Variants in FBLN7 observed in about 807,000 individuals in gnomAD.
FBLN7 encodes the protein fibulin-7.
A neutral mutation model predicts 44.0 loss-of-function variants in FBLN7; 31 were observed. The observed-to-expected ratio is 0.70, with a 90% CI of 0.53 to 0.95. FBLN7 has a LOEUF of 0.95. Among genes scored for constraint, FBLN7 ranks in the 40% least tolerant of loss-of-function variants. The probability of loss-of-function intolerance (pLI) is 0.00; values close to 1 mark genes in which losing one functional copy is unlikely to be tolerated. For synonymous variants in FBLN7, 262 were observed against 253.4 expected (o/e 1.03, Z -0.32); for missense variants, 573 against 618.5 (o/e 0.93, Z 0.78).
intron 1 of FBLN7, among the ~76,000 whole-genome samples, chr2:112,150,456 G>A (rs1415601864): frequency 2.6e-5 from 4 of 152,238 alleles, no homozygotes; most frequent in South Asian, 4.1e-4. Context: ...TCTCCTGAAC[G>A]GGTCAGTATC....
At chr2:112,159,191 G>GT (rs5833433) in intron 1 of FBLN7, among the ~76,000 whole-genome samples, 67,248 of 147,312 alleles carry the variant, frequency 0.46, 15,426 homozygotes, top group Middle Eastern at 0.63. Flanking sequence ...ACTCTAGTGA[G>GT]TTTTTTTTTT....
rs1553479349 is a variant in FBLN7, at chr2:112,184,685, G to GTATATATGGTATATATATGAATATGGTA, written c.809-512_809-485dup. ...ATGGTATATATATGCTGTATATGGT[G>GTATATATGGTATATATATGAATATGGTA]TATATATGGTATATATATGAATATG... On this transcript the variant is annotated intron_variant, in intron 6 of 7. Transcript: ENST00000331203. 6.9e-5 allele frequency among the ~76,000 whole-genome samples: 10 copies of GTATATATGGTATATATATGAATATGGTA among 144,870 alleles called. No homozygotes were observed. In the East Asian group the frequency reaches 1.0e-3, roughly 14 times the overall value.
intron 1 of FBLN7, chr2:112,152,686 G>C (rs1241716323): frequency 1.3e-5 from 2 of 152,180 alleles, no homozygotes; most frequent in Non-Finnish European, 2.9e-5. Flanking sequence ...CCCCTGAGGA[G>C]GGAGTTGGGC....
chr2:112,166,690 A>T (rs769072515), intron 3 of FBLN7, among the ~76,000 whole-genome samples: 1 of 152,158 alleles, frequency 6.6e-6, no homozygotes, highest in Non-Finnish European at 1.5e-5. Flanking sequence ...GGCGGGGGAG[A>T]TGGGTACACA....
At chr2:112,191,244 T>C (rs1055724420), downstream of FBLN7, among the ~76,000 whole-genome samples, 1 of 152,130 alleles carries the variant, frequency 6.6e-6, no homozygotes, top group African/African-American at 2.4e-5. Flanking sequence ...GGTGCAATCT[T>C]GGCTCACTGC....
the FBLN7 span, among the ~76,000 whole-genome samples, chr2:112,242,761 T>C: frequency 6.6e-6 from 1 of 152,198 alleles, no homozygotes; most frequent in African/African-American, 2.4e-5. Flanking sequence ...ACAGAAAAAT[T>C]AGAAAATTTT....
chr2:112,159,235 A>T (rs951380789), intron 1 of FBLN7, among the ~76,000 whole-genome samples: 13 of 151,006 alleles, frequency 8.6e-5, no homozygotes, highest in Admixed American at 6.6e-4. Context: ...TTTAAAGAAT[A>T]GGAACCATTG....
the FBLN7 span, among the ~76,000 whole-genome samples, chr2:112,195,889 T>A: frequency 6.6e-6 from 1 of 152,218 alleles, no homozygotes; most frequent in Admixed American, 6.5e-5. Flanking sequence ...AAATTTGGCC[T>A]AATACTTCCT....
rs1410121267 is a variant in FBLN7, at chr2:112,150,292, G to T, written c.76-9384G>T. Among the ~76,000 whole-genome samples the T allele has an allele frequency of 5.9e-5, 9 of 152,156 alleles. No homozygotes were observed. In the East Asian group the frequency reaches 1.2e-3, roughly 20 times the overall value. The stretch of plus-strand genomic sequence containing the variant: ...CCAGAAAGCCTCAACTGCCCCTGGG[G>T]AGCTGAGAGCATCAGATGACTCCCG... On this transcript the variant is annotated intron_variant, in intron 1 of 7. Coordinates refer to ENST00000331203, the MANE Select transcript of FBLN7 (RefSeq NM_153214.3).
chr2:112,240,969 GTGTGTGTGTGTGTGTGCGCGTGTGTA>G, the FBLN7 span, among the ~76,000 whole-genome samples: 1 of 144,786 alleles, frequency 6.9e-6, no homozygotes, highest in Admixed American at 6.9e-5. Flanking sequence ...GTGTGTGTGT[GTGTGTGTGTGTGTGTGCGCGTGTGTA>G]TGTGTGTTGT....
At chr2:112,220,248 G>A in the FBLN7 span, among the ~76,000 whole-genome samples, 1 of 152,154 alleles carries the variant, frequency 6.6e-6, no homozygotes, top group Non-Finnish European at 1.5e-5. Flanking sequence ...AGTGTCACTG[G>A]CCTATGTACT....
downstream of FBLN7, among the ~76,000 whole-genome samples, chr2:112,191,652 CT>C (rs1683495688): frequency 1.3e-5 from 2 of 151,916 alleles, no homozygotes; most frequent in African/African-American, 4.8e-5. Context: ...CATTTTTTTT[CT>C]TCAATTCTTT....
intron 1 of FBLN7, among the ~76,000 whole-genome samples, chr2:112,144,557 CTCTG>C (rs1680812815): frequency 7.7e-6 from 1 of 130,212 alleles, no homozygotes; most frequent in African/African-American, 3.0e-5. Flanking sequence ...CGGAGTCTTG[CTCTG>C]TCACTCAGGC....
intron 3 of FBLN7, among the ~76,000 whole-genome samples, chr2:112,166,930 C>T (rs1041719023): frequency 5.3e-5 from 8 of 152,168 alleles, no homozygotes; most frequent in Non-Finnish European, 7.3e-5. Flanking sequence ...AGTCAACTCC[C>T]GGCCACCACA....
At chr2:112,140,414 C>T (rs567240410) in intron 1 of FBLN7, among the ~76,000 whole-genome samples, 176 of 152,304 alleles carry the variant, frequency 1.2e-3, no homozygotes, top group Non-Finnish European at 1.6e-3. Context: ...TGCCACTTTC[C>T]ACTCGGATGC....
intron 5 of FBLN7, 149 bp downstream of exon 5, chr2:112,182,025 GTT>G: frequency 1.0e-6 from 1 of 966,160 alleles, no homozygotes. Context: ...ATAGGTAAGT[GTT>G]GACCTAGTGA....
intron 3 of FBLN7, among the ~76,000 whole-genome samples, chr2:112,169,823 C>T (rs190274027): frequency 6.6e-5 from 10 of 152,152 alleles, no homozygotes; most frequent in East Asian, 5.8e-4. Context: ...GTAAACAGCA[C>T]GGGGCAAGGA....
At chr2:112,233,925 G>A in the FBLN7 span, among the ~76,000 whole-genome samples, 1 of 152,010 alleles carries the variant, frequency 6.6e-6, no homozygotes, top group Non-Finnish European at 1.5e-5. Context: ...ATCCACCCAC[G>A]TCGGCCTCCC....
the FBLN7 span, among the ~76,000 whole-genome samples, chr2:112,196,352 A>G: frequency 6.7e-6 from 1 of 150,292 alleles, no homozygotes; most frequent in African/African-American, 2.4e-5. Flanking sequence ...CCTTCCCCCA[A>G]AATTAATTTC....
Sources: allele counts gnomAD v4.1 joint callset (sites outside exome capture counted in the v4.1 genomes callset), GRCh38; gene constraint gnomAD v4.1.1; transcripts MANE v1.5; gene names NCBI Gene and HGNC (gene_info 2026-07-23, HGNC 2026-07-21).